Variants in SLC6A18 observed in about 807,000 individuals in gnomAD.
SLC6A18 encodes inactive sodium-dependent neutral amino acid transporter B(0)AT3.
SLC6A18 carries 58 observed loss-of-function variants against 62.9 expected under a neutral mutation model. That is an observed-to-expected ratio of 0.92 (90% CI 0.75 to 1.15). SLC6A18 has a LOEUF of 1.15. SLC6A18 is among the 50% of genes most tolerant of loss of function. The pLI, the probability that SLC6A18 is intolerant of heterozygous loss-of-function variation, is 0.00. For synonymous variants in SLC6A18, 382 were observed against 365.8 expected, an observed-to-expected ratio of 1.04 and a Z score of -0.51; for missense variants, 793 against 836.6, an observed-to-expected ratio of 0.95 and a Z score of 0.64.
In SLC6A18 at chr5:1,241,670, T is replaced by G. The variant is rs1382005081; in HGVS notation, c.974+1011T>G. ...TGAGCCGGGTCAGGGAGGACGGTGA[T>G]TTATAGGATTTACAGGATGAGCCGG... On this transcript the variant is annotated intron_variant, in intron 7 of 11. Transcript: ENST00000324642. The surrounding 1 kb of genome is among the most constrained non-coding windows in gnomAD (Gnocchi z 7.8). 2.0e-5 allele frequency among the ~76,000 whole-genome samples: 3 copies of G among 151,866 alleles called. No individual in the cohort carries two copies. The highest frequency in any genetic ancestry group is 2.9e-5 in the Non-Finnish European group (2 of 67,960).
chr5:1,232,383 C>T, intron 2 of SLC6A18, 24 bp downstream of exon 2: 2 of 1,595,338 alleles, frequency 1.3e-6, no homozygotes, highest in Non-Finnish European at 1.7e-6. Flanking sequence ...CTCGCTTGCC[C>T]TGACTGAGGC....
At position 1,232,273 on chromosome 5, in the gene SLC6A18, T is replaced by C. The variant is rs1746749756; in HGVS notation, c.215T>C (p.Phe72Ser). Residue 72 changes from phenylalanine to serine, a missense_variant, in exon 2 of 12, where the codon TTC (phenylalanine) becomes TCC (serine). By Grantham distance (155) the Phe-to-Ser change is radical. Transcript: ENST00000324642. ...CTGGTCTTCGAGGGGATCCCCATTTTCCACGTCGAGCTCGCCATCGGCCAG... is the reference window on the plus strand; with the variant it reads ...CTGGTCTTCGAGGGGATCCCCATTTCCCACGTCGAGCTCGCCATCGGCCAG... ...IALVFEGIPIFHVELAIGQRL... is the reference protein window; with the variant it reads ...IALVFEGIPISHVELAIGQRL... The C allele has an allele frequency of 1.2e-6, 2 of 1,612,998 alleles. No individual in the cohort carries two copies. The highest frequency in any genetic ancestry group is 1.7e-6 in the Non-Finnish European group (2 of 1,179,904).
At chr5:1,240,195 T>C (rs1330560304) in intron 6 of SLC6A18, among the ~76,000 whole-genome samples, 1 of 152,260 alleles carries the variant, frequency 6.6e-6, no homozygotes. Context: ...CTTGTGTGCG[T>C]TTCTCCTTTG....
intron 1 of SLC6A18, among the ~76,000 whole-genome samples, chr5:1,226,768 C>T (rs538499658): frequency 6.6e-6 from 1 of 152,152 alleles, no homozygotes; most frequent in Non-Finnish European, 1.5e-5. Context: ...AGGGCAGAGG[C>T]GTCCCTGGCT....
chr5:1,235,396 C>G, intron 3 of SLC6A18, 85 bp from the exon 4 acceptor site: 1 of 1,380,578 alleles, frequency 7.2e-7, no homozygotes. Context: ...GTGTTGTGAG[C>G]AGCCCAGGGA....
intron 7 of SLC6A18, among the ~76,000 whole-genome samples, chr5:1,240,999 C>T (rs1227510628): frequency 2.6e-5 from 4 of 152,166 alleles, no homozygotes; most frequent in African/African-American, 9.7e-5. Flanking sequence ...GTGGCCACAG[C>T]CCAGGGATGC....
rs912014638 is a variant in SLC6A18 at position 1,243,971 on chromosome 5, C to T, written c.1336+212C>T. ...CAGGGCTGCCCCTCCCCCACGGCCC[C>T]GGAGGCCACATCCCCCATCTGGAGC... On this transcript the variant is annotated intron_variant, in intron 9 of 11. Coordinates refer to ENST00000324642, the MANE Select transcript of SLC6A18 (RefSeq NM_182632.3). This position sits in a 1 kb window ranked among gnomAD's most constrained non-coding sequence, Gnocchi z 6.5. Among the ~76,000 whole-genome samples the T allele has an allele frequency of 3.9e-5, 6 of 152,132 alleles. No homozygotes were observed. The highest frequency in any genetic ancestry group is 8.8e-5 in the Non-Finnish European group (6 of 67,990).
At position 1,235,556 on chromosome 5, in the gene SLC6A18, A is replaced by G. The variant is rs146559004; in HGVS notation, c.515A>G (p.Asp172Gly). 1 of 1,613,946 alleles carries G rather than the reference A, an allele frequency of 6.2e-7. No homozygotes were observed. The highest frequency in any genetic ancestry group is 1.3e-5 in the African/African-American group (1 of 74,940). ...WYRQTLNITA[D>G]INDSGSIQWW... is the part of the protein sequence containing the mutation. ...CGGCAGACACTGAACATCACAGCCG[A>G]CATCAATGACAGTGGCTCCATCCAG... Residue 172 changes from aspartate to glycine, a missense_variant, in exon 4 of 12, where the codon GAC becomes GGC. Coordinates refer to ENST00000324642, the MANE Select transcript of SLC6A18 (RefSeq NM_182632.3).
rs774556462 is a variant in SLC6A18 at position 1,225,613 on chromosome 5, T to C, written c.136T>C (p.Tyr46His). Residue 46 changes from tyrosine (Y) to histidine (H), a missense_variant, in exon 1 of 12, where the codon TAC becomes CAC. Coordinates refer to ENST00000324642, the MANE Select transcript of SLC6A18 (RefSeq NM_182632.3). ...ACTGGGGAACATTTGGCGGTTCCCATACCTGTGCCAGACCTATGGAGGAGG... is the reference window on the plus strand; with the variant it reads ...ACTGGGGAACATTTGGCGGTTCCCACACCTGTGCCAGACCTATGGAGGAGG... ...VGLGNIWRFP[Y>H]LCQTYGGGAF... The C allele has an allele frequency of 3.1e-6, 5 of 1,601,078 alleles. No individual in the cohort carries two copies. Among genetic ancestry groups the C allele is most frequent in the Non-Finnish European group, 4.3e-6 (5 of 1,173,452 alleles).
chr5:1,231,514 G>A (rs1241106946), intron 1 of SLC6A18, among the ~76,000 whole-genome samples: 1 of 152,008 alleles, frequency 6.6e-6, no homozygotes. Flanking sequence ...CAGCCGCCCC[G>A]GGTTCCTCGT....
intron 3 of SLC6A18, 33 bp from the exon 4 acceptor site, chr5:1,235,448 A>G: frequency 6.2e-7 from 1 of 1,606,484 alleles, no homozygotes; most frequent in East Asian, 2.2e-5. Context: ...CCTACGCCCC[A>G]CAGCCAGCCT....
intron 5 of SLC6A18, 85 bp downstream of exon 5, chr5:1,238,145 G>A: frequency 2.7e-6 from 3 of 1,097,626 alleles, no homozygotes; most frequent in South Asian, 1.3e-5. Context: ...TCACCTGGGA[G>A]CGTGAGAGGC....
At chr5:1,229,116 T>G (rs1399997185) in intron 1 of SLC6A18, among the ~76,000 whole-genome samples, 1 of 152,140 alleles carries the variant, frequency 6.6e-6, no homozygotes, top group Non-Finnish European at 1.5e-5. Flanking sequence ...TTATCTACAT[T>G]TATGCCCACG....
intron 7 of SLC6A18, among the ~76,000 whole-genome samples, chr5:1,242,154 C>T (rs115322299): frequency 0.051 from 7,700 of 152,218 alleles, 473 homozygotes; most frequent in African/African-American, 0.14. Flanking sequence ...CCCCACAGGG[C>T]GAATCAGGAC....
chr5:1,233,917 A>AT (rs1033769890), intron 3 of SLC6A18, among the ~76,000 whole-genome samples: 1 of 151,738 alleles, frequency 6.6e-6, no homozygotes, highest in Admixed American at 6.6e-5. Context: ...AATTTTTTGT[A>AT]TTTTTAGTAG....
intron 1 of SLC6A18, among the ~76,000 whole-genome samples, chr5:1,231,285 C>T (rs752695253): frequency 2.0e-4 from 30 of 152,220 alleles, no homozygotes; most frequent in African/African-American, 5.3e-4. Flanking sequence ...GAAGTGGAGC[C>T]GGCCTGTTCC....
In SLC6A18 at chr5:1,225,519, C is replaced by T. The variant is rs1183383850; in HGVS notation, c.42C>T (p.Leu14=). Residue 14 remains leucine, a synonymous_variant, in exon 1 of 12, where the codon CTC becomes CTT. Coordinates refer to ENST00000324642, the MANE Select transcript of SLC6A18 (RefSeq NM_182632.3). ...APEPDPAACD[L]GDERPKWDNK... ...AACCGGACCCGGCCGCCTGCGACCT[C>T]GGGGATGAGAGGCCCAAGTGGGACA... The T allele has an allele frequency of 1.7e-5, 28 of 1,613,330 alleles. No homozygotes were observed. Among genetic ancestry groups the T allele is most frequent in the East Asian group, 2.2e-5 (1 of 44,872 alleles).
rs144201527 is a variant in SLC6A18 at position 1,235,555 on chromosome 5, G to T, written c.514G>T (p.Asp172Tyr). ...WYRQTLNITA[D>Y]INDSGSIQWW... ...CCGGCAGACACTGAACATCACAGCCGACATCAATGACAGTGGCTCCATCCA... is the reference window on the plus strand; with the variant it reads ...CCGGCAGACACTGAACATCACAGCCTACATCAATGACAGTGGCTCCATCCA... The change falls in exon 4 of 12, where the codon GAC becomes TAC. Residue 172 changes from aspartate to tyrosine, a missense_variant. Physicochemically the swap from Asp to Tyr is radical, Grantham distance 160. Coordinates refer to ENST00000324642, the MANE Select transcript of SLC6A18 (RefSeq NM_182632.3). 1 of 1,614,082 alleles carries T rather than the reference G, an allele frequency of 6.2e-7. No homozygotes were observed. The highest frequency in any genetic ancestry group is 8.5e-7 in the Non-Finnish European group (1 of 1,180,028).
chr5:1,234,557 T>C (rs1746835651), intron 3 of SLC6A18, among the ~76,000 whole-genome samples: 1 of 152,236 alleles, frequency 6.6e-6, no homozygotes, highest in African/African-American at 2.4e-5. Context: ...AGCCCTTTGA[T>C]TTTCAGGCAG....
Sources: gnomAD v4.1 joint callset for allele counts (sites outside exome capture counted in the v4.1 genomes callset) on GRCh38, gnomAD v4.1.1 for gene constraint, Gnocchi (gnomAD v3.1) non-coding constraint, MANE v1.5 for transcripts, NCBI Gene and HGNC (gene_info 2026-07-23, HGNC 2026-07-21) for gene names.